Variants in TRIM5 observed in about 807,000 individuals in gnomAD.
TRIM5 encodes the protein tripartite motif-containing protein 5.
In TRIM5, 31 loss-of-function variants were observed where a neutral mutation model predicts 35.6. That is an observed-to-expected ratio of 0.87 (90% CI 0.65 to 1.18). TRIM5 has a LOEUF of 1.18. Among genes scored for constraint, TRIM5 ranks in the 50% most tolerant of loss-of-function variants. The pLI is 0.00. For synonymous variants in TRIM5, 243 were observed against 215.6 expected, an observed-to-expected ratio of 1.13 and a Z score of -1.11; for missense variants, 609 against 591.6, an observed-to-expected ratio of 1.03 and a Z score of -0.31.
At chr11:5,680,313 T>G in intron 1 of TRIM5, 75 bp from the exon 2 acceptor site, 1 of 865,004 alleles carries the variant, frequency 1.2e-6, no homozygotes, top group South Asian at 3.4e-5. Flanking sequence ...TGTGCACAAT[T>G]AGAAAATGGG....
At chr11:5,644,218 T>C in the TRIM5 span, 2 of 398,940 alleles carry the variant, frequency 5.0e-6, no homozygotes, top group Non-Finnish European at 8.8e-6. Context: ...GCTCAAACCT[T>C]GCCTGTTGTT....
At chr11:5,658,378 T>G (rs924250886), downstream of TRIM5, among the ~76,000 whole-genome samples, 1 of 152,170 alleles carries the variant, frequency 6.6e-6, no homozygotes, top group Non-Finnish European at 1.5e-5. Context: ...TGAGAGCTAC[T>G]ACCACTCGAT....
chr11:5,634,530 C>CACACATATATATATATAT, the TRIM5 span: 37 of 203,908 alleles, frequency 1.8e-4, no homozygotes, highest in African/African-American at 1.3e-3. Context: ...CACACACACA[C>CACACATATATATATATAT]ATATATATAT....
chr11:5,653,872 A>G, the TRIM5 span, among the ~76,000 whole-genome samples: 1 of 151,886 alleles, frequency 6.6e-6, no homozygotes, highest in Non-Finnish European at 1.5e-5. Flanking sequence ...TTGTTATCTG[A>G]GTAAATTACT....
At chr11:5,627,471 T>C in the TRIM5 span, among the ~76,000 whole-genome samples, 1 of 152,120 alleles carries the variant, frequency 6.6e-6, no homozygotes, top group Non-Finnish European at 1.5e-5. Context: ...GTGGTGGCAG[T>C]TGAGGTGGTT....
intron 4 of TRIM5, among the ~76,000 whole-genome samples, chr11:5,674,370 A>G (rs576551105): frequency 3.3e-5 from 5 of 152,354 alleles, no homozygotes; most frequent in African/African-American, 9.6e-5. Context: ...TCTGGGTATA[A>G]CACAGAAAGA....
At position 5,679,188 on chromosome 11, in the gene TRIM5, A is replaced by T; in HGVS notation, c.418-19T>A. 1 of 1,607,682 alleles carries T rather than the reference A, an allele frequency of 6.2e-7. No individual in the cohort carries two copies. Among genetic ancestry groups the T allele is most frequent in the Non-Finnish European group, 8.5e-7 (1 of 1,175,278 alleles). Reference sequence around the variant, plus strand: ...GCTTCACCTGTGAGAAAGGAATCACACCATAGTCAAGCTATGAGGTTTTCC... The same window carrying T: ...GCTTCACCTGTGAGAAAGGAATCACTCCATAGTCAAGCTATGAGGTTTTCC... On this transcript the variant is annotated intron_variant, in intron 2 of 7. Transcript: ENST00000380034.
chr11:5,674,957 T>A (rs987225350), intron 4 of TRIM5, among the ~76,000 whole-genome samples: 1 of 152,178 alleles, frequency 6.6e-6, no homozygotes, highest in African/African-American at 2.4e-5. Context: ...ATGACTATCT[T>A]CAAGAGATCT....
intron 7 of TRIM5, 43 bp downstream of exon 7, chr11:5,665,613 G>C: frequency 1.3e-6 from 2 of 1,581,826 alleles, no homozygotes; most frequent in Non-Finnish European, 1.7e-6. Flanking sequence ...TAATAATAAT[G>C]ATAAGCCGCA....
the TRIM5 span, chr11:5,634,686 G>T: frequency 6.2e-7 from 1 of 1,614,046 alleles, no homozygotes; most frequent in South Asian, 1.1e-5. Context: ...CAGCTTAGAA[G>T]CATCCTAAAT....
chr11:5,605,313 T>C, the TRIM5 span: 1 of 1,613,546 alleles, frequency 6.2e-7, no homozygotes, highest in Admixed American at 1.7e-5. Flanking sequence ...ACTAGCAGCC[T>C]CTTTTTCTTC....
intron 1 of TRIM5, among the ~76,000 whole-genome samples, chr11:5,683,291 C>A: frequency 6.6e-6 from 1 of 152,212 alleles, no homozygotes; most frequent in Non-Finnish European, 1.5e-5. Context: ...AGTGCAGGTG[C>A]GTGGCATGGC....
chr11:5,614,411 C>T, the TRIM5 span, among the ~76,000 whole-genome samples: 2 of 152,144 alleles, frequency 1.3e-5, no homozygotes, highest in Non-Finnish European at 1.5e-5. Context: ...AGATGGGATT[C>T]GTAATATCTG....
the TRIM5 span, among the ~76,000 whole-genome samples, chr11:5,628,513 T>A: frequency 1.3e-5 from 2 of 152,210 alleles, no homozygotes; most frequent in Non-Finnish European, 2.9e-5. Context: ...AACTTTCAGC[T>A]TTTTTTCCTC....
At chr11:5,591,895 CG>C in the TRIM5 span, among the ~76,000 whole-genome samples, 163 of 145,458 alleles carry the variant, frequency 1.1e-3, no homozygotes, top group African/African-American at 3.9e-3. Context: ...CCTTTAGCCC[CG>C]GGGGGCTGTG....
the TRIM5 span, chr11:5,642,412 G>A: frequency 6.2e-7 from 1 of 1,612,896 alleles, no homozygotes; most frequent in African/African-American, 1.3e-5. Flanking sequence ...CTAGGAGTGA[G>A]ATCTGGAGGC....
the TRIM5 span, among the ~76,000 whole-genome samples, chr11:5,592,914 CAAAAAAAAAAAAAAAAGA>C: frequency 1.5e-5 from 1 of 67,232 alleles, no homozygotes; most frequent in African/African-American, 6.4e-5. Flanking sequence ...GAGATTGTCT[CAAAAAAAAAAAAAAAAGA>C]AAAAAGAAAA....
the TRIM5 span, among the ~76,000 whole-genome samples, chr11:5,651,854 G>A: frequency 2.0e-5 from 3 of 152,082 alleles, no homozygotes; most frequent in Non-Finnish European, 4.4e-5. Flanking sequence ...GTGGGAGATG[G>A]TATCTCATTG....
the TRIM5 span, chr11:5,642,456 AG>A: frequency 5.5e-5 from 88 of 1,613,862 alleles, no homozygotes; most frequent in Non-Finnish European, 6.9e-5. Context: ...AAGAAACTGA[AG>A]ACTGTATTCC....
Sources: gnomAD v4.1 joint callset for allele counts (sites outside exome capture counted in the v4.1 genomes callset) on GRCh38, gnomAD v4.1.1 for gene constraint, MANE v1.5 for transcripts, NCBI Gene and HGNC (gene_info 2026-07-23, HGNC 2026-07-21) for gene names.